GABRA3: variants seen among roughly 807,000 people sequenced by gnomAD.
GABRA3 encodes gamma-aminobutyric acid receptor subunit alpha-3.
GABRA3 carries 10 observed loss-of-function variants against 30.1 expected under a neutral mutation model. The observed-to-expected ratio is 0.33, with a 90% CI of 0.20 to 0.56. The LOEUF (loss-of-function observed/expected upper bound fraction) is 0.56. Ranked by LOEUF, GABRA3 falls within the 20% of genes least tolerant of loss-of-function variation. The pLI, the probability that GABRA3 is intolerant of heterozygous loss-of-function variation, is 0.89. For missense variants in GABRA3, 233 were observed against 392.0 expected (o/e 0.59, Z 3.42); for synonymous variants, 151 against 146.8 (o/e 1.03, Z -0.21).
At chrX:152,297,268 T>C (rs1031703146) in intron 3 of GABRA3, among the ~76,000 whole-genome samples, 1 of 111,720 alleles carries the variant, frequency 9.0e-6, no homozygotes, top group African/African-American at 3.3e-5. Context: ...CCAGGCCACA[T>C]ATAGTTGTTG....
At chrX:152,375,507 G>C (rs1171432215) in intron 1 of GABRA3, among the ~76,000 whole-genome samples, 1 of 112,044 alleles carries the variant, frequency 8.9e-6, no homozygotes, top group Non-Finnish European at 1.9e-5. Flanking sequence ...GTTCTAGTCT[G>C]TTGATCCTTT....
In GABRA3 at chrX:152,308,860, T is replaced by G. The variant is rs183131357; in HGVS notation, c.263-24125A>C. Among the ~76,000 whole-genome samples the G allele has an allele frequency of 9.8e-5, 11 of 112,271 alleles. No homozygotes were observed. The East Asian group carries it at 2.5e-3, about 26-fold the overall frequency. On this transcript the variant is annotated intron_variant, in intron 3 of 9. Coordinates refer to ENST00000370314, the MANE Select transcript of GABRA3 (RefSeq NM_000808.4). ...CAGGTCATCAAGATTGTGAAGAAAG[T>G]TGAAACTCAATCCAAGGAATCTAAG...
intron 1 of GABRA3, among the ~76,000 whole-genome samples, chrX:152,444,301 A>G (rs776790299): frequency 1.0e-3 from 116 of 111,842 alleles, no homozygotes; most frequent in Non-Finnish European, 1.8e-3. Flanking sequence ...CAAAATATAT[A>G]TCACATAAGC....
intron 2 of GABRA3, 80 bp from the exon 3 acceptor site, chrX:152,345,782 G>C (rs778990584): frequency 1.1e-6 from 1 of 932,306 alleles, no homozygotes; most frequent in Non-Finnish European, 1.5e-6. Context: ...CGTAATTCAA[G>C]ATTTCAATTA....
chrX:152,318,996 C>A (rs934596030), intron 3 of GABRA3, among the ~76,000 whole-genome samples: 1 of 111,231 alleles, frequency 9.0e-6, no homozygotes, highest in Non-Finnish European at 1.9e-5. Context: ...AGAGCCGACA[C>A]AAGAATGGAA....
intron 1 of GABRA3, among the ~76,000 whole-genome samples, chrX:152,382,107 A>T (rs2124507939): frequency 8.9e-6 from 1 of 112,328 alleles, no homozygotes; most frequent in African/African-American, 3.2e-5. Flanking sequence ...CCCCATCAAA[A>T]AGTGGGCAAA....
intron 3 of GABRA3, among the ~76,000 whole-genome samples, chrX:152,291,624 T>C (rs949338641): frequency 8.9e-6 from 1 of 111,860 alleles, no homozygotes; most frequent in African/African-American, 3.2e-5. Context: ...TTTGTGCCCA[T>C]TCAGTATGAT....
chrX:152,235,189 G>A (rs1160145356), intron 5 of GABRA3, among the ~76,000 whole-genome samples: 3 of 111,258 alleles, frequency 2.7e-5, no homozygotes, highest in African/African-American at 9.8e-5. Context: ...TCACCTCCTT[G>A]GTTAAACGTA....
At chrX:152,240,179 G>C (rs1486661643) in intron 5 of GABRA3, among the ~76,000 whole-genome samples, 3 of 104,751 alleles carry the variant, frequency 2.9e-5, no homozygotes, top group African/African-American at 1.1e-4. Context: ...AGCACTTTTA[G>C]GGCAGGCCTG....
At chrX:152,208,651 A>C (rs72614778) in intron 6 of GABRA3, among the ~76,000 whole-genome samples, 10,263 of 110,731 alleles carry the variant, frequency 0.093, 645 homozygotes, top group East Asian at 0.31. Flanking sequence ...TGGCTTGGTG[A>C]CACCCCCCTC....
intron 5 of GABRA3, among the ~76,000 whole-genome samples, chrX:152,248,739 C>T (rs999563161): frequency 1.8e-5 from 2 of 111,428 alleles, no homozygotes; most frequent in African/African-American, 6.5e-5. Context: ...GTAATAAGTT[C>T]AAGTGATCTA....
At chrX:152,239,742 T>C (rs1328788160) in intron 5 of GABRA3, among the ~76,000 whole-genome samples, 1 of 102,307 alleles carries the variant, frequency 9.8e-6, no homozygotes, top group Non-Finnish European at 2.0e-5. Flanking sequence ...CCTTTACCAT[T>C]ATGTAATGGC....
intron 1 of GABRA3, among the ~76,000 whole-genome samples, chrX:152,408,287 C>T (rs962084848): frequency 4.3e-4 from 48 of 111,190 alleles, no homozygotes; most frequent in Non-Finnish European, 7.0e-4. Flanking sequence ...TCAAATTATC[C>T]TTTTTTGCAG....
rs192108840 is a variant in GABRA3, at chrX:152,330,079, C to T, written c.262+15502G>A. On this transcript the variant is annotated intron_variant, in intron 3 of 9. Coordinates refer to ENST00000370314, the MANE Select transcript of GABRA3 (RefSeq NM_000808.4). ...TTCTCAAAAGAATACATTAATACAA[C>T]CAACAGACACATGAAAAAATGCTCA... Among the ~76,000 whole-genome samples, 738 of 111,967 alleles carry T rather than the reference C, an allele frequency of 6.6e-3. 4 individuals carry two copies. The highest frequency in any genetic ancestry group is 0.028 in the Middle Eastern group (6 of 217).
At chrX:152,307,151 T>C (rs1017583420) in intron 3 of GABRA3, among the ~76,000 whole-genome samples, 66 of 111,536 alleles carry the variant, frequency 5.9e-4, no homozygotes, top group African/African-American at 2.1e-3. Context: ...ATCATTTTAG[T>C]CTTAGTTTCC....
At chrX:152,433,264 C>T (rs1930693912) in intron 1 of GABRA3, among the ~76,000 whole-genome samples, 2 of 109,925 alleles carry the variant, frequency 1.8e-5, no homozygotes, top group Admixed American at 2.0e-4. Flanking sequence ...TATCAGTAAC[C>T]AATGTTTTAT....
chrX:152,422,830 T>C (rs1398711923), intron 1 of GABRA3, among the ~76,000 whole-genome samples: 2 of 110,760 alleles, frequency 1.8e-5, no homozygotes, highest in East Asian at 5.7e-4. Context: ...TGACAATCTA[T>C]TGTATATTTG....
At chrX:152,392,363 A>C in intron 1 of GABRA3, 1 of 361,300 alleles carries the variant, frequency 2.8e-6, no homozygotes, top group Non-Finnish European at 5.7e-6. Flanking sequence ...ACGAAGAAGG[A>C]GGCAAACACA....
chrX:152,277,939 A>G (rs1939118383), intron 4 of GABRA3, among the ~76,000 whole-genome samples: 1 of 111,448 alleles, frequency 9.0e-6, no homozygotes, highest in Non-Finnish European at 1.9e-5. Flanking sequence ...GTATGGGGCC[A>G]AGGCACGTGA....
Sources: allele counts gnomAD v4.1 joint callset (sites outside exome capture counted in the v4.1 genomes callset), GRCh38; gene constraint gnomAD v4.1.1; transcripts MANE v1.5; gene names NCBI Gene and HGNC (gene_info 2026-07-23, HGNC 2026-07-21).